Variants in SLC30A7 observed in about 807,000 individuals in gnomAD.
The protein encoded by SLC30A7 is solute carrier family 30 member 7.
A neutral mutation model predicts 46.0 loss-of-function variants in SLC30A7; 35 were observed. That is an observed-to-expected ratio of 0.76 (90% CI 0.58 to 1.01). SLC30A7 has a LOEUF of 1.01. SLC30A7 is among the 50% of genes least tolerant of loss of function. SLC30A7 has a pLI of 0.00. For missense variants in SLC30A7, 464 were observed against 451.1 expected (o/e 1.03, Z -0.26); for synonymous variants, 147 against 157.8 (o/e 0.93, Z 0.51).
chr1:100,961,128 T>TG (rs1487249268), intron 8 of SLC30A7, among the ~76,000 whole-genome samples: 1 of 151,516 alleles, frequency 6.6e-6, no homozygotes, highest in African/African-American at 2.4e-5. Context: ...CTGATTTTTT[T>TG]TTTTTTGTAT....
chr1:100,913,885 T>C (rs1243131253), intron 6 of SLC30A7, 79 bp downstream of exon 6: 1 of 1,540,458 alleles, frequency 6.5e-7, no homozygotes, highest in Non-Finnish European at 8.8e-7. Flanking sequence ...GTTGAAATAG[T>C]TTATTAAAAA....
chr1:100,939,847 T>TA (rs573295797), intron 8 of SLC30A7, among the ~76,000 whole-genome samples: 2,914 of 137,230 alleles, frequency 0.021, 73 homozygotes, highest in African/African-American at 0.063. Context: ...AGACTCCGTC[T>TA]AAAAAAAAAA....
At chr1:100,916,139 T>C (rs1015789959) in intron 6 of SLC30A7, among the ~76,000 whole-genome samples, 3 of 151,852 alleles carry the variant, frequency 2.0e-5, no homozygotes, top group Admixed American at 1.3e-4. Context: ...TAAATTTTTT[T>C]ATTTTTAATT....
Position 100,923,924 on chromosome 1 carries a change from C to A in SLC30A7, c.842+2083C>A, listed in dbSNP as rs1010708222. ...ACTTTTGGTAATTTATTCACTGTTA[C>A]AACTATACCTGTTTATTTGTGCTTT... On this transcript the variant is annotated intron_variant, in intron 8 of 10. Transcript: ENST00000357650. Among the ~76,000 whole-genome samples the A allele has an allele frequency of 2.0e-5, 3 of 152,142 alleles. 1 individual carries two copies. In the South Asian group the frequency reaches 6.2e-4, roughly 31 times the overall value.
downstream of SLC30A7, among the ~76,000 whole-genome samples, chr1:100,982,124 C>T (rs1168288887): frequency 6.6e-6 from 1 of 152,168 alleles, no homozygotes; most frequent in African/African-American, 2.4e-5. Context: ...CAAATTTTTC[C>T]CTCTGATTAG....
chr1:100,908,310 G>A, intron 3 of SLC30A7, among the ~76,000 whole-genome samples: 1 of 152,136 alleles, frequency 6.6e-6, no homozygotes, highest in East Asian at 1.9e-4. Flanking sequence ...TTTATTGAGG[G>A]TCCATATGAG....
intron 2 of SLC30A7, among the ~76,000 whole-genome samples, chr1:100,901,968 AAATT>A (rs141795027): frequency 2.4e-3 from 1 of 410 alleles, no homozygotes; most frequent in African/African-American, 0.022. Context: ...TTTATAGTTT[AAATT>A]TATAGTTTAA....
chr1:100,987,450 A>G, the SLC30A7 span, among the ~76,000 whole-genome samples: 1 of 152,036 alleles, frequency 6.6e-6, no homozygotes, highest in African/African-American at 2.4e-5. Flanking sequence ...CAGATTGGAC[A>G]ATTTCTTTCA....
intron 6 of SLC30A7, among the ~76,000 whole-genome samples, chr1:100,916,279 C>A (rs1048071670): frequency 6.6e-6 from 1 of 152,000 alleles, no homozygotes; most frequent in Non-Finnish European, 1.5e-5. Context: ...CTCTGCCTCC[C>A]GGGTTCAAGT....
At chr1:100,993,598 A>ATATATATATATATG in the SLC30A7 span, among the ~76,000 whole-genome samples, 3 of 128,236 alleles carry the variant, frequency 2.3e-5, no homozygotes, top group East Asian at 6.7e-4. Flanking sequence ...ATATATATAT[A>ATATATATATATATG]GCTATTGTGG....
In SLC30A7 at chr1:100,906,840, G is replaced by C; in HGVS notation, c.183-12G>C. 1 of 1,583,020 alleles carries C rather than the reference G, an allele frequency of 6.3e-7. No individual in the cohort carries two copies. Among genetic ancestry groups the C allele is most frequent in the Non-Finnish European group, 8.7e-7 (1 of 1,152,518 alleles). The stretch of plus-strand genomic sequence containing the variant: ...TTTATTATAATTTGTCAATGTGTTT[G>C]TTCTTTTCCAGCTTAGGCTTGATTT... On this transcript the variant is annotated splice_polypyrimidine_tract_variant and intron_variant, in intron 2 of 10. Coordinates refer to ENST00000357650, the MANE Select transcript of SLC30A7 (RefSeq NM_133496.5).
intron 8 of SLC30A7, among the ~76,000 whole-genome samples, chr1:100,957,619 GGT>G (rs1655296316): frequency 6.6e-6 from 1 of 152,088 alleles, no homozygotes; most frequent in African/African-American, 2.4e-5. Context: ...CAAGTGTCAT[GGT>G]TTCCATGAGT....
rs942708005 is a variant in SLC30A7 at position 100,978,918 on chromosome 1, T to G, written c.*4061T>G. 4 of 152,216 alleles carry G rather than the reference T, an allele frequency of 2.6e-5. No individual in the cohort carries two copies. The highest frequency in any genetic ancestry group is 4.4e-5 in the Non-Finnish European group (3 of 68,024). The allele number at this position is 152,216 out of a possible 1,614,324, so 9.4% of individuals were successfully genotyped here. The stretch of plus-strand genomic sequence containing the variant: ...AATTTTTCTGCTAATTGCCCAAGGC[T>G]AAATCCAATTTAAGGATTGCTTAGT... On this transcript the variant is annotated 3_prime_UTR_variant, in exon 11 of 11. Transcript: ENST00000357650.
In SLC30A7 at chr1:100,976,342, C is replaced by T. The variant is rs1656504588; in HGVS notation, c.*1485C>T. ...ACAAATACAATTGCTTTCAGGAATC[C>T]TAAAGCAGCATTTTATTGAGTTTGA... On this transcript the variant is annotated 3_prime_UTR_variant, in exon 11 of 11. Coordinates refer to ENST00000357650, the MANE Select transcript of SLC30A7 (RefSeq NM_133496.5). 2.0e-5 allele frequency: 3 copies of T among 152,170 alleles called. No individual in the cohort carries two copies. In the South Asian group the frequency reaches 6.2e-4, roughly 32 times the overall value. 9.4% of individuals were successfully genotyped at this position (152,170 alleles called of 1,614,324 possible). A position where few individuals can be genotyped will look rare whatever the true frequency, so the allele number is the denominator to read the frequency against.
intron 8 of SLC30A7, among the ~76,000 whole-genome samples, chr1:100,944,085 T>C (rs1441431873): frequency 1.3e-5 from 2 of 152,198 alleles, no homozygotes; most frequent in African/African-American, 4.8e-5. Flanking sequence ...AGGGTCTGGC[T>C]CTGTCACCCA....
At chr1:100,925,811 G>A (rs1653260118) in intron 8 of SLC30A7, among the ~76,000 whole-genome samples, 2 of 152,186 alleles carry the variant, frequency 1.3e-5, no homozygotes, top group South Asian at 4.1e-4. Context: ...AATAGACAAA[G>A]AGTGTACAAA....
chr1:100,953,016 A>C (rs1655038572), intron 8 of SLC30A7, among the ~76,000 whole-genome samples: 1 of 152,154 alleles, frequency 6.6e-6, no homozygotes, highest in African/African-American at 2.4e-5. Context: ...TCATGGGTGT[A>C]GATTTCCCCC....
chr1:100,924,412 C>G (rs553473355), intron 8 of SLC30A7, among the ~76,000 whole-genome samples: 2 of 152,206 alleles, frequency 1.3e-5, no homozygotes, highest in South Asian at 4.2e-4. Context: ...ACCCCCCACC[C>G]CTTCCCACCA....
intron 4 of SLC30A7, among the ~76,000 whole-genome samples, chr1:100,911,537 A>AT (rs1169258494): frequency 2.0e-5 from 3 of 151,848 alleles, no homozygotes; most frequent in African/African-American, 7.3e-5. Context: ...GAAATGCAGT[A>AT]TTTTTTTTAA....
Sources: gnomAD v4.1 joint callset for allele counts (sites outside exome capture counted in the v4.1 genomes callset) on GRCh38, gnomAD v4.1.1 for gene constraint, MANE v1.5 for transcripts, NCBI Gene and HGNC (gene_info 2026-07-23, HGNC 2026-07-21) for gene names.